Variants in PDE6A observed in about 807,000 individuals in gnomAD.
PDE6A encodes the protein phosphodiesterase 6A, also known as rod cGMP-specific 3',5'-cyclic phosphodiesterase subunit alpha.
Under a neutral mutation model 106.3 loss-of-function variants are expected in PDE6A, and 84 were observed. The ratio of observed to expected loss-of-function variants is 0.79; its 90% CI spans 0.66 to 0.95. The LOEUF (loss-of-function observed/expected upper bound fraction) is 0.95. Among genes scored for constraint, PDE6A ranks in the 40% least tolerant of loss-of-function variants. The probability of loss-of-function intolerance (pLI) is 0.00; values close to 1 mark genes in which losing one functional copy is unlikely to be tolerated. For synonymous variants in PDE6A, 394 were observed against 386.6 expected, an observed-to-expected ratio of 1.02 and a Z score of -0.23; for missense variants, 1,052 against 1,084.9, an observed-to-expected ratio of 0.97 and a Z score of 0.43.
chr5:149,894,174 A>G (rs1752646314), intron 13 of PDE6A, among the ~76,000 whole-genome samples: 1 of 152,238 alleles, frequency 6.6e-6, no homozygotes, highest in Non-Finnish European at 1.5e-5. Flanking sequence ...CTAATGGAAC[A>G]TGATGCAGCT....
intron 17 of PDE6A, among the ~76,000 whole-genome samples, chr5:149,879,153 C>A (rs1581160992): frequency 6.6e-6 from 1 of 152,038 alleles, no homozygotes; most frequent in Non-Finnish European, 1.5e-5. Context: ...CTCACAGCAA[C>A]CTCCACCTCC....
At chr5:149,942,625 A>T (rs1754354503) in intron 1 of PDE6A, among the ~76,000 whole-genome samples, 1 of 152,146 alleles carries the variant, frequency 6.6e-6, no homozygotes, top group South Asian at 2.1e-4. Context: ...GACCCGTGCC[A>T]GCACTGGTCT....
In PDE6A at chr5:149,867,721, T is replaced by C; in HGVS notation, c.2274+4A>G. On this transcript the variant is annotated splice_donor_region_variant and intron_variant, in intron 19 of 21. Coordinates refer to ENST00000255266, the MANE Select transcript of PDE6A (RefSeq NM_000440.3). The stretch of plus-strand genomic sequence containing the variant: ...CATCAGGCTGACATCCCCTGTCTAC[T>C]CACAATGGGATTCTGTTGCAGCACC... The C allele has an allele frequency of 6.2e-7, 1 of 1,613,744 alleles. No homozygotes were observed. Among genetic ancestry groups the C allele is most frequent in the Non-Finnish European group, 8.5e-7 (1 of 1,179,780 alleles).
chr5:149,944,313 G>A lies in PDE6A; in HGVS notation c.361C>T (p.Leu121Phe), dbSNP rs143543399. The change falls in exon 1 of 22, where the codon CTC becomes TTC. Residue 121 changes from leucine (L) to phenylalanine (F), a missense_variant. Physicochemically the swap from Leu to Phe is conservative, Grantham distance 22. Transcript: ENST00000255266. The part of the protein sequence containing the change: ...RLFNVHKDAV[L>F]EDCLVMPDQE... Reference sequence around the variant, plus strand: ...TCGGGCATCACCAGGCAGTCCTCGAGGACAGCATCCTTGTGGACATTGAAA... The same window carrying A: ...TCGGGCATCACCAGGCAGTCCTCGAAGACAGCATCCTTGTGGACATTGAAA... 9 of 1,614,074 alleles carry A rather than the reference G, an allele frequency of 5.6e-6. No individual in the cohort carries two copies. Among genetic ancestry groups the A allele is most frequent in the Non-Finnish European group, 7.6e-6 (9 of 1,180,014 alleles).
chr5:149,903,791 G>T (rs371381751), intron 7 of PDE6A, 96 bp from the exon 8 acceptor site: 3 of 906,734 alleles, frequency 3.3e-6, no homozygotes, highest in African/African-American at 3.3e-5. Flanking sequence ...CCATGTTCTT[G>T]TCCAAGGCAT....
At chr5:149,868,265 G>T in intron 17 of PDE6A, 107 bp from the exon 18 acceptor site, 5 of 1,134,470 alleles carry the variant, frequency 4.4e-6, no homozygotes, top group Non-Finnish European at 6.6e-6. Context: ...AGGTGACTTT[G>T]TCTCATTGTG....
rs139662688 is a variant in PDE6A, at chr5:149,865,441, G to T, written c.2358+729C>A. Among the ~76,000 whole-genome samples the T allele has an allele frequency of 3.5e-3, 535 of 151,404 alleles. 2 individuals are homozygous for T. Among genetic ancestry groups the T allele is most frequent in the African/African-American group, 0.012 (496 of 41,240 alleles). On this transcript the variant is annotated intron_variant, in intron 20 of 21. Coordinates refer to ENST00000255266, the MANE Select transcript of PDE6A (RefSeq NM_000440.3). ...AAAAAAAAACCAGCAAAAAACTCAT[G>T]TCCTCAATGAAAAAAAAGAAATATT...
At chr5:149,941,102 C>T (rs564336454) in intron 1 of PDE6A, among the ~76,000 whole-genome samples, 24 of 152,288 alleles carry the variant, frequency 1.6e-4, no homozygotes, top group Admixed American at 7.2e-4. Flanking sequence ...GACAAACATT[C>T]TTCTGGGTGA....
In PDE6A at chr5:149,899,399, A is replaced by G; in HGVS notation, c.1239T>C (p.Asp413=). The stretch of plus-strand genomic sequence containing the variant: ...CCTCCATGAGCGTCTCATCCATTTC[A>G]TCAAAGGGCTTCCCATCTTTACGAT... ...FYNRKDGKPF[D]EMDETLMESL... is the part of the protein sequence containing the mutation. The change falls in exon 9 of 22, where the codon GAT becomes GAC. Residue 413 remains aspartate (D), a synonymous_variant. Coordinates refer to ENST00000255266, the MANE Select transcript of PDE6A (RefSeq NM_000440.3). 1 of 1,614,140 alleles carries G rather than the reference A, an allele frequency of 6.2e-7. No homozygotes were observed. The highest frequency in any genetic ancestry group is 8.5e-7 in the Non-Finnish European group (1 of 1,180,008).
intron 6 of PDE6A, among the ~76,000 whole-genome samples, chr5:149,911,517 C>T (rs1379031717): frequency 2.0e-5 from 3 of 152,024 alleles, no homozygotes; most frequent in African/African-American, 7.2e-5. Flanking sequence ...TGGTTATGAC[C>T]GAGTTCACAC....
intron 16 of PDE6A, among the ~76,000 whole-genome samples, chr5:149,884,183 A>G (rs1761032790): frequency 7.4e-6 from 1 of 135,940 alleles, no homozygotes; most frequent in Non-Finnish European, 1.6e-5. Context: ...TCCTGTCTCA[A>G]AAAAGAAAAA....
At chr5:149,887,683 C>A (rs1752363893) in intron 13 of PDE6A, among the ~76,000 whole-genome samples, 1 of 152,040 alleles carries the variant, frequency 6.6e-6, no homozygotes, top group African/African-American at 2.4e-5. Flanking sequence ...ACAAGGCAGA[C>A]AAAGGCCCAA....
At chr5:149,915,155 C>T (rs1483250934) in intron 5 of PDE6A, 148 bp from the exon 6 acceptor site, 1 of 588,070 alleles carries the variant, frequency 1.7e-6, no homozygotes, top group African/African-American at 1.9e-5. Flanking sequence ...CTGCCTCAGC[C>T]TCCCGAGTAA....
At chr5:149,929,594 G>A (rs191242357) in intron 4 of PDE6A, among the ~76,000 whole-genome samples, 1,972 of 137,884 alleles carry the variant, frequency 0.014, 20 homozygotes, top group South Asian at 0.038. Context: ...GTGACAGAGC[G>A]AGACTCCGTC....
At chr5:149,886,113 G>A in intron 14 of PDE6A, 152 bp downstream of exon 14, 2 of 695,206 alleles carry the variant, frequency 2.9e-6, no homozygotes. Context: ...TATTCTGCCT[G>A]CTACAGGAGG....
In PDE6A at chr5:149,925,727, G is replaced by A. The variant is rs146509503; in HGVS notation, c.859-4018C>T. On this transcript the variant is annotated intron_variant, in intron 4 of 21. Coordinates refer to ENST00000255266, the MANE Select transcript of PDE6A (RefSeq NM_000440.3). Reference sequence around the variant, plus strand: ...GTCTCAAAAAAAAAAAAAAAAAAGAGTTAGTAATTAATAGAAGATGGATCG... The same window carrying A: ...GTCTCAAAAAAAAAAAAAAAAAAGAATTAGTAATTAATAGAAGATGGATCG... 7.7e-3 allele frequency among the ~76,000 whole-genome samples: 1,042 copies of A among 134,724 alleles called. 14 individuals are homozygous for A. Among genetic ancestry groups the A allele is most frequent in the African/African-American group, 0.026 (979 of 37,482 alleles). The allele number at this position is 134,724 out of a possible 152,430, so 88.4% of individuals were successfully genotyped here. A position where few individuals can be genotyped will look rare whatever the true frequency, so the allele number is the denominator to read the frequency against.
chr5:149,900,366 A>AATATATATGT (rs1210729288), intron 8 of PDE6A, among the ~76,000 whole-genome samples: 2 of 12,790 alleles, frequency 1.6e-4, no homozygotes, highest in Non-Finnish European at 2.0e-4. Flanking sequence ...CATCTCGAAA[A>AATATATATGT]ATATATATGT....
intron 6 of PDE6A, among the ~76,000 whole-genome samples, chr5:149,911,548 C>A (rs1753386518): frequency 6.6e-6 from 1 of 152,172 alleles, no homozygotes; most frequent in African/African-American, 2.4e-5. Flanking sequence ...ACAACTTTGT[C>A]ATGTCTGCCA....
At chr5:149,882,061 AATAAAT>A (rs1222606028) in intron 17 of PDE6A, among the ~76,000 whole-genome samples, 1 of 79,256 alleles carries the variant, frequency 1.3e-5, no homozygotes, top group Non-Finnish European at 3.5e-5. Flanking sequence ...AAAATAAATA[AATAAAT>A]AAATAAATAA....
Sources: allele counts gnomAD v4.1 joint callset (sites outside exome capture counted in the v4.1 genomes callset), GRCh38; gene constraint gnomAD v4.1.1; transcripts MANE v1.5; gene names NCBI Gene and HGNC (gene_info 2026-07-23, HGNC 2026-07-21).